GALNS: variants seen among roughly 807,000 people sequenced by gnomAD.
GALNS encodes galactosamine (N-acetyl)-6-sulfatase.
In GALNS, 65 loss-of-function variants were observed where a neutral mutation model predicts 65.9. The observed-to-expected ratio is 0.99, with a 90% CI of 0.81 to 1.21. The LOEUF (loss-of-function observed/expected upper bound fraction) is 1.21, where lower values mean the gene tolerates loss of function less well. Ranked by LOEUF, GALNS falls within the 50% of genes most tolerant of loss-of-function variation. GALNS has a pLI of 0.00. For missense variants in GALNS, 776 were observed against 700.7 expected, an observed-to-expected ratio of 1.11 and a Z score of -1.21; for synonymous variants, 346 against 288.9, an observed-to-expected ratio of 1.20 and a Z score of -2.00.
At chr16:88,825,121 G>A (rs1043951791) in intron 10 of GALNS, among the ~76,000 whole-genome samples, 2 of 129,350 alleles carry the variant, frequency 1.5e-5, no homozygotes, top group Non-Finnish European at 3.2e-5. Context: ...GGGTGTCTGG[G>A]GCTGGGGTGT....
At chr16:88,822,912 G>T (rs1173647842) in intron 11 of GALNS, among the ~76,000 whole-genome samples, 1 of 152,178 alleles carries the variant, frequency 6.6e-6, no homozygotes, top group Non-Finnish European at 1.5e-5. Context: ...ATGGTGCAGG[G>T]CGCTGGCTAA....
At chr16:88,815,463 C>T (rs573010424) in intron 13 of GALNS, 77 of 985,494 alleles carry the variant, frequency 7.8e-5, no homozygotes, top group South Asian at 2.8e-4. Flanking sequence ...ACCCCTCCAT[C>T]GCCTGGGTGT....
intron 12 of GALNS, among the ~76,000 whole-genome samples, chr16:88,819,726 C>T (rs1272028775): frequency 2.0e-5 from 3 of 152,124 alleles, no homozygotes; most frequent in South Asian, 4.1e-4. Flanking sequence ...GAGAGTCTCG[C>T]GCTGTCACCT....
rs138556831 is a variant in GALNS at position 88,815,505 on chromosome 16, G to A, written c.1483-980C>T. On this transcript the variant is annotated intron_variant, in intron 13 of 13. Coordinates refer to ENST00000268695, the MANE Select transcript of GALNS (RefSeq NM_000512.5). ...ACCTCACAGTGCAGCCTTGCTTAGC[G>A]GAAGCCTTGCTTGATGGGAGGGCAC... 2.7e-5 allele frequency: 27 copies of A among 985,482 alleles called. No individual in the cohort carries two copies. The East Asian group carries it at 6.8e-4, about 25-fold the overall frequency. The allele number at this position is 985,482 out of a possible 1,614,324, so 61.0% of individuals were successfully genotyped here.
chr16:88,826,002 G>A (rs2142995188), intron 10 of GALNS, among the ~76,000 whole-genome samples: 1 of 152,310 alleles, frequency 6.6e-6, no homozygotes, highest in East Asian at 1.9e-4. Context: ...GTAGGAAATG[G>A]ACTTTGGACA....
At chr16:88,839,733 C>G (rs11076725) in intron 4 of GALNS, among the ~76,000 whole-genome samples, 9,168 of 152,314 alleles carry the variant, frequency 0.06, 919 homozygotes, top group African/African-American at 0.21. Flanking sequence ...TGAGGTCTGC[C>G]TGGCTCCTGC....
In GALNS at chr16:88,855,883, A is replaced by C. The variant is rs548897356; in HGVS notation, c.120+875T>G. On this transcript the variant is annotated intron_variant, in intron 1 of 13. Coordinates refer to ENST00000268695, the MANE Select transcript of GALNS (RefSeq NM_000512.5). ...AGGGGCTGAGCGACACCGACGGCCCAAAACTGTCTGGTACTCGGTGTCGTC... is the reference window on the plus strand; with the variant it reads ...AGGGGCTGAGCGACACCGACGGCCCCAAACTGTCTGGTACTCGGTGTCGTC... The C allele has an allele frequency of 2.5e-3, 1,274 of 512,288 alleles. 6 individuals are homozygous for C. Among genetic ancestry groups the C allele is most frequent in the Middle Eastern group, 4.2e-3 (8 of 1,890 alleles). 31.7% of individuals were successfully genotyped at this position (512,288 alleles called of 1,614,324 possible). A position where few individuals can be genotyped will look rare whatever the true frequency, so the allele number is the denominator to read the frequency against.
intron 9 of GALNS, 171 bp from the exon 10 acceptor site, chr16:88,827,009 C>A: frequency 1.3e-6 from 1 of 756,906 alleles, no homozygotes. Flanking sequence ...CTGTGAGAGA[C>A]AGAGGAGCCT....
intron 1 of GALNS, among the ~76,000 whole-genome samples, chr16:88,850,537 C>T (rs1450344191): frequency 1.3e-5 from 2 of 152,134 alleles, no homozygotes; most frequent in African/African-American, 4.8e-5. Flanking sequence ...GGGCTCCACG[C>T]TCACCACTGA....
Position 88,856,936 on chromosome 16 carries a change from G to T in GALNS, c.-59C>A. 1 of 1,466,326 alleles carries T rather than the reference G, an allele frequency of 6.8e-7. No homozygotes were observed. Among genetic ancestry groups the T allele is most frequent in the African/African-American group, 1.5e-5 (1 of 67,486 alleles). The allele number at this position is 1,466,326 out of a possible 1,614,324, so 90.8% of individuals were successfully genotyped here. On this transcript the variant is annotated 5_prime_UTR_variant, in exon 1 of 14. Coordinates refer to ENST00000268695, the MANE Select transcript of GALNS (RefSeq NM_000512.5). The stretch of plus-strand genomic sequence containing the variant: ...GAGCCGACCTAGCGAGCGTCCGCCG[G>T]CCCTTCCGGCTGGGCTGCGGGGCGG...
At chr16:88,842,977 C>G (rs1967052924) in intron 1 of GALNS, 148 bp from the exon 2 acceptor site, 1 of 1,528,346 alleles carries the variant, frequency 6.5e-7, no homozygotes, top group African/African-American at 1.4e-5. Context: ...TCGGCCAAAC[C>G]CCAGCATCGC....
intron 12 of GALNS, 152 bp from the exon 13 acceptor site, chr16:88,818,276 C>T (rs767656703): frequency 2.8e-5 from 20 of 707,618 alleles, no homozygotes; most frequent in African/African-American, 7.0e-5. Context: ...GCAGCGGCCC[C>T]GGGCCTCGCT....
intron 8 of GALNS, among the ~76,000 whole-genome samples, chr16:88,832,924 C>G (rs578222891): frequency 1.3e-5 from 2 of 151,784 alleles, no homozygotes; most frequent in East Asian, 1.9e-4. Flanking sequence ...TACAAAAATA[C>G]AAAAATTAGC....
At chr16:88,824,625 G>T (rs1470605986) in intron 11 of GALNS, 142 bp downstream of exon 11, 14 of 726,286 alleles carry the variant, frequency 1.9e-5, no homozygotes, top group Non-Finnish European at 3.4e-5. Context: ...GAACGACTGG[G>T]GGCCACACAG....
chr16:88,845,177 C>T (rs975605075), intron 1 of GALNS: 4 of 152,020 alleles, frequency 2.6e-5, no homozygotes, highest in Admixed American at 1.3e-4. Flanking sequence ...GAAACCCCGC[C>T]TCTACTAAAA....
chr16:88,823,339 G>A (rs550117644), intron 11 of GALNS, among the ~76,000 whole-genome samples: 2 of 152,372 alleles, frequency 1.3e-5, no homozygotes, highest in South Asian at 2.1e-4. Context: ...AGAAGGGCAA[G>A]GATTTTACAG....
At chr16:88,821,031 C>A (rs1397583212) in intron 12 of GALNS, among the ~76,000 whole-genome samples, 1 of 152,200 alleles carries the variant, frequency 6.6e-6, no homozygotes, top group African/African-American at 2.4e-5. Context: ...AAGCTCCAGG[C>A]CCCCCATGGT....
chr16:88,846,424 T>A (rs1168272697), intron 1 of GALNS, among the ~76,000 whole-genome samples: 1 of 151,852 alleles, frequency 6.6e-6, no homozygotes, highest in African/African-American at 2.4e-5. Context: ...AAGAGGTCCC[T>A]TGCAGGTTTC....
chr16:88,855,222 C>G (rs761129167), intron 1 of GALNS: 55 of 697,804 alleles, frequency 7.9e-5, no homozygotes, highest in Non-Finnish European at 1.2e-4. Context: ...GCTGCCCCGC[C>G]TCACCCCTCT....
Sources: gnomAD v4.1 joint callset for allele counts (sites outside exome capture counted in the v4.1 genomes callset) on GRCh38, gnomAD v4.1.1 for gene constraint, MANE v1.5 for transcripts, NCBI Gene and HGNC (gene_info 2026-07-23, HGNC 2026-07-21) for gene names.